Variants in OXR1 observed in about 807,000 individuals in gnomAD.
The protein encoded by OXR1 is oxidation resistance protein 1.
OXR1 carries 41 observed loss-of-function variants against 104.6 expected under a neutral mutation model. That is an observed-to-expected ratio of 0.39 (90% CI 0.31 to 0.51). The LOEUF (loss-of-function observed/expected upper bound fraction) is 0.51, where lower values mean the gene tolerates loss of function less well. OXR1 is among the 20% of genes least tolerant of loss of function. The pLI, the probability that OXR1 is intolerant of heterozygous loss-of-function variation, is 0.77. For missense variants in OXR1, 955 were observed against 1,031.9 expected (o/e 0.93, Z 1.02); for synonymous variants, 348 against 348.4 (o/e 1.00, Z 0.01).
In OXR1 at chr8:106,704,393, C is replaced by CTTTTTTTTTT. The variant is rs71307084; in HGVS notation, c.860+1325_860+1334dup. Among the ~76,000 whole-genome samples the CTTTTTTTTTT allele has an allele frequency of 8.4e-4, 40 of 47,888 alleles. 2 individuals are homozygous for CTTTTTTTTTT. Among genetic ancestry groups the CTTTTTTTTTT allele is most frequent in the African/African-American group, 1.0e-3 (10 of 9,930 alleles). 31.4% of individuals were successfully genotyped at this position (47,888 alleles called of 152,430 possible). ...TTTTTCTTTTTCTTTCTTTCTTCTT[C>CTTTTTTTTTT]TTTTTTTTTTTTTTTTTTTTTTTTT... is the stretch of plus-strand genomic sequence containing the variant. On this transcript the variant is annotated intron_variant, in intron 8 of 16. Coordinates refer to ENST00000517566, the MANE Select transcript of OXR1 (RefSeq NM_001198533.2).
intron 2 of OXR1, among the ~76,000 whole-genome samples, chr8:106,390,423 C>T (rs1315826416): frequency 1.3e-5 from 2 of 152,166 alleles, no homozygotes; most frequent in African/African-American, 2.4e-5. Context: ...GTTCTAAACA[C>T]TTTCCATATA....
chr8:106,439,404 G>GA (rs149305889), intron 2 of OXR1, among the ~76,000 whole-genome samples: 3,694 of 151,150 alleles, frequency 0.024, 145 homozygotes, highest in African/African-American at 0.083. Flanking sequence ...AGAACTGTGA[G>GA]AAAAAAAAAG....
At chr8:106,698,021 G>A (rs2131331529) in intron 7 of OXR1, 1 of 1,602,676 alleles carries the variant, frequency 6.2e-7, no homozygotes, top group East Asian at 2.2e-5. Flanking sequence ...CATTCCAATG[G>A]GTGGCGGTGG....
chr8:106,704,692 C>T (rs765110444), intron 8 of OXR1, among the ~76,000 whole-genome samples: 1 of 152,068 alleles, frequency 6.6e-6, no homozygotes, highest in Admixed American at 6.6e-5. Flanking sequence ...GCCACGATGC[C>T]TGGCTTTGTC....
chr8:106,676,842 GT>G (rs1316997264), intron 3 of OXR1, among the ~76,000 whole-genome samples: 2 of 151,962 alleles, frequency 1.3e-5, no homozygotes, highest in Admixed American at 6.6e-5. Context: ...ATTTAGAACT[GT>G]TTTTATAATA....
At chr8:106,431,317 G>A (rs731156) in intron 2 of OXR1, among the ~76,000 whole-genome samples, 34,342 of 151,992 alleles carry the variant, frequency 0.23, 5,394 homozygotes, top group African/African-American at 0.42. Flanking sequence ...ATGATAAACT[G>A]TTGTTTTAAA....
intron 2 of OXR1, among the ~76,000 whole-genome samples, chr8:106,480,757 A>G (rs1363229908): frequency 6.6e-6 from 1 of 151,938 alleles, no homozygotes; most frequent in Non-Finnish European, 1.5e-5. Context: ...AAGATTTCTG[A>G]GCCTTAAATT....
chr8:106,696,428 T>G (rs946772593), intron 7 of OXR1, among the ~76,000 whole-genome samples: 1 of 152,250 alleles, frequency 6.6e-6, no homozygotes, highest in Non-Finnish European at 1.5e-5. Flanking sequence ...GAAGCTACTT[T>G]AAACATTCAT....
chr8:106,469,010 GTGTTGTTGTTGT>G (rs66481208), intron 2 of OXR1, among the ~76,000 whole-genome samples: 2 of 138,956 alleles, frequency 1.4e-5, no homozygotes, highest in African/African-American at 2.5e-5. Context: ...GTTTGTTTGT[GTGTTGTTGTTGT>G]TGTTGTTGTT....
At chr8:106,364,969 G>A (rs1206892861) in intron 2 of OXR1, among the ~76,000 whole-genome samples, 1 of 152,168 alleles carries the variant, frequency 6.6e-6, no homozygotes, top group Non-Finnish European at 1.5e-5. Flanking sequence ...CAATGGCAGA[G>A]GAAGTAGAGA....
intron 2 of OXR1, among the ~76,000 whole-genome samples, chr8:106,480,057 T>G (rs1360623568): frequency 6.6e-6 from 1 of 151,996 alleles, no homozygotes; most frequent in Admixed American, 6.6e-5. Context: ...TTTTAACAAC[T>G]ATGGTAGCAA....
At chr8:106,583,303 T>G (rs181681087) in intron 3 of OXR1, among the ~76,000 whole-genome samples, 24 of 152,286 alleles carry the variant, frequency 1.6e-4, no homozygotes, top group Admixed American at 1.4e-3. Context: ...AATTACAAAT[T>G]TATATGATTT....
intron 2 of OXR1, among the ~76,000 whole-genome samples, chr8:106,482,290 A>T (rs2129755823): frequency 6.6e-6 from 1 of 152,082 alleles, no homozygotes; most frequent in South Asian, 2.1e-4. Flanking sequence ...ATCTGGCAGA[A>T]AAGAACGAAG....
At chr8:106,386,595 T>G (rs1817380918) in intron 2 of OXR1, among the ~76,000 whole-genome samples, 2 of 152,222 alleles carry the variant, frequency 1.3e-5, no homozygotes, top group South Asian at 4.1e-4. Flanking sequence ...TGGGGAGTTC[T>G]CTGATCTCTC....
At chr8:106,414,983 C>G (rs1015943968) in intron 2 of OXR1, among the ~76,000 whole-genome samples, 2 of 152,108 alleles carry the variant, frequency 1.3e-5, no homozygotes, top group Non-Finnish European at 2.9e-5. Context: ...AAACGCTGTA[C>G]TGCAGAATTA....
chr8:106,736,233 A>G lies in OXR1; in HGVS notation c.1957-1287A>G, dbSNP rs529131884. ...CTGGTTTCTAAGTACAGAGTCAGCTAACATATTGTATGCTTTGTTGCTTCA... is the reference window on the plus strand; with the variant it reads ...CTGGTTTCTAAGTACAGAGTCAGCTGACATATTGTATGCTTTGTTGCTTCA... On this transcript the variant is annotated intron_variant, in intron 11 of 16. Coordinates refer to ENST00000517566, the MANE Select transcript of OXR1 (RefSeq NM_001198533.2). Among the ~76,000 whole-genome samples the G allele has an allele frequency of 5.4e-5, 8 of 148,842 alleles. No homozygotes were observed. The South Asian group carries it at 1.7e-3, about 32-fold the overall frequency.
chr8:106,331,461 G>A (rs1041875421), intron 1 of OXR1, among the ~76,000 whole-genome samples: 2 of 151,982 alleles, frequency 1.3e-5, no homozygotes, highest in African/African-American at 4.8e-5. Flanking sequence ...ACTTAGAGAT[G>A]TCTTAGAAAT....
At chr8:106,424,850 A>G in intron 2 of OXR1, among the ~76,000 whole-genome samples, 1 of 152,106 alleles carries the variant, frequency 6.6e-6, no homozygotes, top group Middle Eastern at 3.4e-3. Flanking sequence ...TTTTCTTATT[A>G]GTGAGGATAA....
At chr8:106,647,816 T>C (rs920203880) in intron 3 of OXR1, among the ~76,000 whole-genome samples, 9 of 152,332 alleles carry the variant, frequency 5.9e-5, no homozygotes, top group South Asian at 2.1e-4. Flanking sequence ...TCTTATGAAA[T>C]AGTTGACAGG....
Sources: allele counts gnomAD v4.1 joint callset (sites outside exome capture counted in the v4.1 genomes callset), GRCh38; gene constraint gnomAD v4.1.1; transcripts MANE v1.5; gene names NCBI Gene and HGNC (gene_info 2026-07-23, HGNC 2026-07-21).